The following PLPPR5 variants were observed in gnomAD, a reference collection of about 807,000 sequenced individuals.
The protein encoded by PLPPR5 is phospholipid phosphatase related 5.
PLPPR5 carries 16 observed loss-of-function variants against 33.9 expected under a neutral mutation model. That is an observed-to-expected ratio of 0.47 (90% confidence interval 0.32 to 0.72). The LOEUF is 0.72. PLPPR5 is among the 30% of genes least tolerant of loss of function. PLPPR5 has a pLI of 0.03. For synonymous variants in PLPPR5, 163 were observed against 150.3 expected (o/e 1.08, Z -0.62); for missense variants, 301 against 406.7 (o/e 0.74, Z 2.23).
chr1:98,961,898 C>T (rs1248121794), intron 1 of PLPPR5, among the ~76,000 whole-genome samples: 1 of 152,198 alleles, frequency 6.6e-6, no homozygotes, highest in African/African-American at 2.4e-5. Context: ...CCATCCCCTG[C>T]TCCACTAAGG....
intron 1 of PLPPR5, among the ~76,000 whole-genome samples, chr1:98,965,432 G>A (rs1010214076): frequency 5.3e-5 from 8 of 152,104 alleles, no homozygotes; most frequent in African/African-American, 1.7e-4. Flanking sequence ...TCCTAATGAC[G>A]CAACTAAGTC....
At chr1:98,901,220 C>A (rs1240431782) in intron 5 of PLPPR5, among the ~76,000 whole-genome samples, 1 of 152,016 alleles carries the variant, frequency 6.6e-6, no homozygotes, top group African/African-American at 2.4e-5. Context: ...ATGCATGAGT[C>A]CACTTATATA....
At chr1:98,970,703 C>A (rs1651627811) in intron 1 of PLPPR5, among the ~76,000 whole-genome samples, 1 of 151,790 alleles carries the variant, frequency 6.6e-6, no homozygotes. Flanking sequence ...GAAACTGAGG[C>A]ACAAAGAGGT....
At chr1:98,918,377 T>C (rs1649435049) in intron 4 of PLPPR5, among the ~76,000 whole-genome samples, 1 of 152,218 alleles carries the variant, frequency 6.6e-6, no homozygotes, top group Admixed American at 6.5e-5. Context: ...CTATTATTGT[T>C]GTATATGATA....
chr1:98,949,765 G>A (rs1650706153), intron 3 of PLPPR5, among the ~76,000 whole-genome samples: 1 of 152,142 alleles, frequency 6.6e-6, no homozygotes, highest in Non-Finnish European at 1.5e-5. Context: ...TACATTTGCA[G>A]CAGGAGTTAT....
chr1:98,931,351 C>T (rs1240055879), intron 3 of PLPPR5, among the ~76,000 whole-genome samples: 2 of 152,046 alleles, frequency 1.3e-5, no homozygotes, highest in African/African-American at 4.8e-5. Flanking sequence ...CGGTGCTTTA[C>T]ATGCACTCAA....
chr1:98,961,607 G>A (rs1334359818), intron 1 of PLPPR5, among the ~76,000 whole-genome samples: 2 of 152,112 alleles, frequency 1.3e-5, no homozygotes, highest in African/African-American at 4.8e-5. Context: ...ATTAATAATT[G>A]ATATTCATAT....
chr1:98,951,813 G>C (rs1053395759), intron 3 of PLPPR5, among the ~76,000 whole-genome samples: 1 of 151,872 alleles, frequency 6.6e-6, no homozygotes, highest in Non-Finnish European at 1.5e-5. Context: ...GCTCTCTGAG[G>C]GTAAAAAAAT....
chr1:98,931,299 A>ATAAAAGT (rs3077543), intron 3 of PLPPR5, among the ~76,000 whole-genome samples: 111,833 of 151,270 alleles, frequency 0.74, 41,544 homozygotes, highest in East Asian at 0.8. Flanking sequence ...GCTAATCATA[A>ATAAAAGT]TAAAATTTCA....
chr1:98,983,142 T>C (rs979224767), intron 1 of PLPPR5, among the ~76,000 whole-genome samples: 13 of 151,748 alleles, frequency 8.6e-5, no homozygotes, highest in African/African-American at 2.9e-4. Flanking sequence ...ATTGTGCAGG[T>C]TAGTTACATA....
intron 1 of PLPPR5, among the ~76,000 whole-genome samples, chr1:98,978,445 ACTCT>A (rs1651941542): frequency 6.6e-6 from 1 of 151,878 alleles, no homozygotes; most frequent in African/African-American, 2.4e-5. Flanking sequence ...CGTGTTCATA[ACTCT>A]CTTTCTCTTT....
intron 1 of PLPPR5, among the ~76,000 whole-genome samples, chr1:98,968,798 A>C (rs963121792): frequency 6.6e-6 from 1 of 152,072 alleles, no homozygotes; most frequent in Non-Finnish European, 1.5e-5. Flanking sequence ...TATTGTATTC[A>C]GCATATAGAT....
intron 5 of PLPPR5, among the ~76,000 whole-genome samples, chr1:98,910,032 T>C (rs1370191903): frequency 6.6e-6 from 1 of 152,232 alleles, no homozygotes; most frequent in Non-Finnish European, 1.5e-5. Flanking sequence ...AAATAACGAA[T>C]ACTTGTATGC....
intron 5 of PLPPR5, among the ~76,000 whole-genome samples, chr1:98,906,148 T>A (rs1648886801): frequency 6.6e-6 from 1 of 151,704 alleles, no homozygotes; most frequent in Non-Finnish European, 1.5e-5. Flanking sequence ...ATACCTAGTA[T>A]ATACACAGTG....
intron 3 of PLPPR5, among the ~76,000 whole-genome samples, chr1:98,942,615 C>G (rs1257609985): frequency 1.3e-5 from 2 of 152,214 alleles, no homozygotes; most frequent in Non-Finnish European, 2.9e-5. Flanking sequence ...ATGGTAAAAA[C>G]TCCCTGCTGG....
chr1:98,932,158 T>A (rs569046034), intron 3 of PLPPR5, among the ~76,000 whole-genome samples: 19 of 152,304 alleles, frequency 1.2e-4, no homozygotes, highest in Non-Finnish European at 2.6e-4. Context: ...TATCCAGACA[T>A]ATGACAAGAA....
At chr1:98,958,147 C>T (rs1316749096) in intron 1 of PLPPR5, among the ~76,000 whole-genome samples, 1 of 152,200 alleles carries the variant, frequency 6.6e-6, no homozygotes, top group Non-Finnish European at 1.5e-5. Flanking sequence ...GTGAAGTTTG[C>T]TTTTATTATG....
At chr1:99,004,347 G>A (rs1226626461) in intron 1 of PLPPR5, 88 bp downstream of exon 1, 1 of 1,152,344 alleles carries the variant, frequency 8.7e-7, no homozygotes, top group Non-Finnish European at 1.2e-6. Flanking sequence ...AAAACCTACT[G>A]CGCCCCAACC....
intron 1 of PLPPR5, among the ~76,000 whole-genome samples, chr1:98,957,213 C>G (rs1373615290): frequency 6.6e-6 from 1 of 150,806 alleles, no homozygotes; most frequent in African/African-American, 2.4e-5. Flanking sequence ...GGAGGGATAG[C>G]ATTGGGAGAT....
Sources: gnomAD v4.1 joint callset for allele counts (sites outside exome capture counted in the v4.1 genomes callset) on GRCh38, gnomAD v4.1.1 for gene constraint, MANE v1.5 for transcripts, NCBI Gene and HGNC (gene_info 2026-07-23, HGNC 2026-07-21) for gene names.